The following MYCBP2 variants were observed in gnomAD, a reference collection of about 807,000 sequenced individuals.
The protein encoded by MYCBP2 is MYC binding protein 2.
In MYCBP2, 120 loss-of-function variants were observed where a neutral mutation model predicts 525.3. That is an observed-to-expected ratio of 0.23 (90% confidence interval 0.20 to 0.27). The LOEUF (loss-of-function observed/expected upper bound fraction) is 0.27. Among genes scored for constraint, MYCBP2 ranks in the 10% least tolerant of loss-of-function variants. MYCBP2 has a pLI of 1.00. For synonymous variants in MYCBP2, 1,894 were observed against 1,955.8 expected (o/e 0.97, Z 0.83); for missense variants, 4,149 against 5,657.1 (o/e 0.73, Z 8.55).
chr13:77,139,440 G>T, intron 51 of MYCBP2, 104 bp from the exon 52 acceptor site: 4 of 1,253,300 alleles, frequency 3.2e-6, no homozygotes, highest in Non-Finnish European at 4.3e-6. Context: ...TGCATGTGCA[G>T]ATTAAGCATC....
chr13:77,098,153 T>C lies in MYCBP2; in HGVS notation c.9001A>G (p.Lys3001Glu). ...KCANRHTRPK[K>E]EKSSFLFKGD... ...TTGAAAAGAAAACTCGATTTTTCTT[T>C]TTTGGGCCTGGTGTGTCTATTAGCA... The change falls in exon 56 of 83, where the codon AAA (lysine) becomes GAA (glutamate). Residue 3001 changes from lysine to glutamate, a missense_variant. Physicochemically the swap from Lys to Glu is moderately conservative, Grantham distance 56. Transcript: ENST00000544440. 6.2e-7 allele frequency: 1 copy of C among 1,613,722 alleles called. No homozygotes were observed. Among genetic ancestry groups the C allele is most frequent in the Non-Finnish European group, 8.5e-7 (1 of 1,179,770 alleles).
intron 17 of MYCBP2, among the ~76,000 whole-genome samples, chr13:77,240,831 T>C (rs973912093): frequency 4.6e-5 from 7 of 152,194 alleles, no homozygotes; most frequent in African/African-American, 1.7e-4. Flanking sequence ...TTGAGGTTCA[T>C]ACTGAAGATT....
intron 4 of MYCBP2, among the ~76,000 whole-genome samples, chr13:77,278,516 G>A (rs2075861256): frequency 6.6e-6 from 1 of 152,102 alleles, no homozygotes; most frequent in Non-Finnish European, 1.5e-5. Context: ...CATAAGAGAA[G>A]CTCTTCACTT....
At chr13:77,109,230 G>A (rs1188893483) in intron 55 of MYCBP2, among the ~76,000 whole-genome samples, 1 of 152,150 alleles carries the variant, frequency 6.6e-6, no homozygotes, top group Non-Finnish European at 1.5e-5. Flanking sequence ...CCATATGATG[G>A]GGGGTTGGGG....
chr13:77,295,299 A>G (rs977030735), intron 2 of MYCBP2, among the ~76,000 whole-genome samples: 2 of 151,988 alleles, frequency 1.3e-5, no homozygotes, highest in African/African-American at 4.8e-5. Context: ...ACGCCCAGCT[A>G]ATTTTTGTAT....
chr13:77,205,158 A>G (rs1207995235), intron 26 of MYCBP2, 98 bp downstream of exon 26: 1 of 1,154,786 alleles, frequency 8.7e-7, no homozygotes, highest in Non-Finnish European at 1.1e-6. Flanking sequence ...AAACCCAGTT[A>G]AAAAGGAAAA....
At position 77,074,423 on chromosome 13, in the gene MYCBP2, T is replaced by C. The variant is rs143700322; in HGVS notation, c.11823+2328A>G. Among the ~76,000 whole-genome samples, 119 of 152,170 alleles carry C rather than the reference T, an allele frequency of 7.8e-4. 3 individuals carry two copies. In the East Asian group the frequency reaches 0.021, roughly 27 times the overall value. ...GGTTCTAGACCATACATAAAAATCATGAATCAAAAAAACAAGAAAAAACTG... is the reference window on the plus strand; with the variant it reads ...GGTTCTAGACCATACATAAAAATCACGAATCAAAAAAACAAGAAAAAACTG... On this transcript the variant is annotated intron_variant, in intron 68 of 82. Coordinates refer to ENST00000544440, the MANE Select transcript of MYCBP2 (RefSeq NM_015057.5).
chr13:77,260,753 C>T (rs10871102), intron 12 of MYCBP2, among the ~76,000 whole-genome samples, 161 bp from the exon 13 acceptor site: 5,852 of 152,118 alleles, frequency 0.038, 392 homozygotes, highest in African/African-American at 0.13. Flanking sequence ...CATTTAAAAT[C>T]AGTGAACCTG....
chr13:77,263,904 G>A, intron 9 of MYCBP2, 25 bp downstream of exon 9: 1 of 1,607,124 alleles, frequency 6.2e-7, no homozygotes, highest in Non-Finnish European at 8.5e-7. Flanking sequence ...ATTTACACTA[G>A]CTACTTAAGA....
intron 1 of MYCBP2, among the ~76,000 whole-genome samples, chr13:77,318,961 G>A (rs1407988258): frequency 6.6e-6 from 1 of 152,100 alleles, no homozygotes; most frequent in Non-Finnish European, 1.5e-5. Flanking sequence ...AAAGAAATGT[G>A]GCATGAGCTA....
At chr13:77,227,463 TACACACACACACACACATACACACACAC>T (rs2066437658) in intron 18 of MYCBP2, among the ~76,000 whole-genome samples, 2 of 118,736 alleles carry the variant, frequency 1.7e-5, no homozygotes, top group Middle Eastern at 4.2e-3. Flanking sequence ...TGCAAAAGCC[TACACACACACACACACATACACACACAC>T]ACACACACAC....
chr13:77,092,746 A>G (rs1199339179), intron 59 of MYCBP2, among the ~76,000 whole-genome samples: 2 of 152,218 alleles, frequency 1.3e-5, no homozygotes, highest in East Asian at 3.9e-4. Flanking sequence ...TGTGTATTAC[A>G]TTATTGTAAC....
At chr13:77,152,966 G>C (rs1363424469) in intron 46 of MYCBP2, among the ~76,000 whole-genome samples, 3 of 150,908 alleles carry the variant, frequency 2.0e-5, no homozygotes, top group Non-Finnish European at 4.4e-5. Flanking sequence ...TCGGGAGGCT[G>C]AGGCAGGAGA....
At chr13:77,166,996 C>T (rs1048310981) in intron 40 of MYCBP2, among the ~76,000 whole-genome samples, 1 of 150,240 alleles carries the variant, frequency 6.7e-6, no homozygotes, top group Admixed American at 6.7e-5. Context: ...CACACACACA[C>T]ACACACACAC....
intron 15 of MYCBP2, among the ~76,000 whole-genome samples, chr13:77,245,744 A>AACACACACACACAC (rs71102727): frequency 7.0e-6 from 1 of 143,078 alleles, no homozygotes; most frequent in Admixed American, 7.0e-5. Flanking sequence ...AACGTAAAGT[A>AACACACACACACAC]ACACACACAC....
Position 77,081,714 on chromosome 13 carries a change from A to C in MYCBP2, c.11194-63T>G, listed in dbSNP as rs1209632763. On this transcript the variant is annotated intron_variant, in intron 64 of 82. Transcript: ENST00000544440. The surrounding 1 kb of genome is among the most constrained non-coding windows in gnomAD (Gnocchi z 4.6). ...AGCAAATCTTTCGTGATGATAAAAC[A>C]AACAGGTATAAGATAAAACATAATG... 5.9e-6 allele frequency: 9 copies of C among 1,536,512 alleles called. No individual in the cohort carries two copies. The highest frequency in any genetic ancestry group is 7.9e-6 in the Non-Finnish European group (9 of 1,137,634).
chr13:77,099,170 T>C (rs1182473763), intron 55 of MYCBP2, 157 bp from the exon 56 acceptor site: 1 of 987,018 alleles, frequency 1.0e-6, no homozygotes, highest in Non-Finnish European at 1.5e-6. Flanking sequence ...AAGGGGGAAA[T>C]ATTTCTAATA....
chr13:77,076,490 T>C, intron 68 of MYCBP2, among the ~76,000 whole-genome samples: 1 of 152,188 alleles, frequency 6.6e-6, no homozygotes, highest in East Asian at 1.9e-4. Context: ...AGATAACTGA[T>C]GGGGTATAGC....
intron 52 of MYCBP2, among the ~76,000 whole-genome samples, chr13:77,133,433 G>T (rs575462703): frequency 2.4e-4 from 36 of 152,304 alleles, no homozygotes; most frequent in Admixed American, 1.1e-3. Context: ...AACCTACTAT[G>T]AGCAAAGTGT....
Sources: gnomAD v4.1 joint callset for allele counts (sites outside exome capture counted in the v4.1 genomes callset) on GRCh38, gnomAD v4.1.1 for gene constraint, Gnocchi (gnomAD v3.1) non-coding constraint, MANE v1.5 for transcripts, NCBI Gene and HGNC (gene_info 2026-07-23, HGNC 2026-07-21) for gene names.